Variants in CCDC88C observed in about 807,000 individuals in gnomAD.
CCDC88C encodes coiled-coil and HOOK domain protein 88C.
A neutral mutation model predicts 198.8 loss-of-function variants in CCDC88C; 131 were observed. The ratio of observed to expected loss-of-function variants is 0.66; its 90% CI spans 0.57 to 0.76. The LOEUF (loss-of-function observed/expected upper bound fraction) is 0.76, where lower values mean the gene tolerates loss of function less well. Ranked by LOEUF, CCDC88C falls within the 30% of genes least tolerant of loss-of-function variation. The probability of loss-of-function intolerance (pLI) is 0.00; values close to 1 mark genes in which losing one functional copy is unlikely to be tolerated. For missense variants in CCDC88C, 2,553 were observed against 2,631.6 expected, an observed-to-expected ratio of 0.97 and a Z score of 0.65; for synonymous variants, 1,166 against 1,114.7, an observed-to-expected ratio of 1.05 and a Z score of -0.92.
At chr14:91,302,660 T>C (rs534211875) in intron 20 of CCDC88C, among the ~76,000 whole-genome samples, 1 of 152,240 alleles carries the variant, frequency 6.6e-6, no homozygotes, top group African/African-American at 2.4e-5. Flanking sequence ...GAGGTGCACA[T>C]GAAATGAGAA....
At chr14:91,359,561 C>T (rs1448722120) in intron 4 of CCDC88C, 81 bp downstream of exon 4, 16 of 1,122,016 alleles carry the variant, frequency 1.4e-5, no homozygotes, top group East Asian at 1.0e-4. Flanking sequence ...AGCTGGCAGC[C>T]GGAGCTCGAT....
chr14:91,321,084 C>T (rs1183120357), intron 13 of CCDC88C, 36 bp downstream of exon 13: 2 of 1,566,398 alleles, frequency 1.3e-6, no homozygotes, highest in South Asian at 2.4e-5. Flanking sequence ...CCCAAGGGTT[C>T]TGTGCTTCCC....
intron 3 of CCDC88C, among the ~76,000 whole-genome samples, chr14:91,375,760 C>T (rs78837490): frequency 7.5e-4 from 115 of 152,336 alleles, no homozygotes; most frequent in Admixed American, 1.2e-3. Context: ...GAGACTCAAC[C>T]CTGTCCGTGC....
intron 3 of CCDC88C, among the ~76,000 whole-genome samples, chr14:91,407,920 CT>C (rs763529855): frequency 1.2e-4 from 18 of 152,126 alleles, no homozygotes; most frequent in Non-Finnish European, 2.1e-4. Context: ...GTAGCTGGGA[CT>C]ACAGGCGTGC....
chr14:91,309,486 C>CCCAGCTAGGTAGTGGTCT (rs1226725423), intron 16 of CCDC88C, among the ~76,000 whole-genome samples: 1 of 151,822 alleles, frequency 6.6e-6, no homozygotes, highest in East Asian at 1.9e-4. Flanking sequence ...TGCCTGTGGT[C>CCCAGCTAGGTAGTGGTCT]CCAGCTAGGT....
chr14:91,405,519 T>TA (rs1886436406), intron 3 of CCDC88C, among the ~76,000 whole-genome samples: 1 of 152,138 alleles, frequency 6.6e-6, no homozygotes, highest in Non-Finnish European at 1.5e-5. Flanking sequence ...AATAACCGGT[T>TA]ATGTTTGTGC....
chr14:91,289,029 G>A lies in CCDC88C; in HGVS notation c.4441+76C>T, dbSNP rs576898017. The A allele has an allele frequency of 2.4e-6, 3 of 1,239,846 alleles. No individual in the cohort carries two copies. The South Asian group carries it at 3.7e-5, about 15-fold the overall frequency. 76.8% of individuals were successfully genotyped at this position (1,239,846 alleles called of 1,614,324 possible). On this transcript the variant is annotated intron_variant, in intron 25 of 29. Transcript: ENST00000389857. ...ACCCCTGGCACGTTCCTGCACACGT[G>A]TGCACAGCCACCGGTGCGGGACCCT...
chr14:91,332,257 G>A (rs1892867368), intron 10 of CCDC88C, among the ~76,000 whole-genome samples: 2 of 152,118 alleles, frequency 1.3e-5, no homozygotes. Flanking sequence ...CTCCCACACA[G>A]CCCTGAGGGC....
intron 3 of CCDC88C, among the ~76,000 whole-genome samples, chr14:91,393,008 G>A (rs1885611580): frequency 6.6e-6 from 1 of 152,202 alleles, no homozygotes; most frequent in Non-Finnish European, 1.5e-5. Flanking sequence ...TGCAAGGACA[G>A]GACGTGTGAG....
chr14:91,403,225 A>C (rs1269460278), intron 3 of CCDC88C, among the ~76,000 whole-genome samples: 2 of 152,192 alleles, frequency 1.3e-5, no homozygotes, highest in Non-Finnish European at 1.5e-5. Context: ...TCCAATGGGT[A>C]AGTCCCCACA....
intron 4 of CCDC88C, among the ~76,000 whole-genome samples, chr14:91,344,117 A>G (rs1035260113): frequency 2.0e-5 from 3 of 152,168 alleles, no homozygotes; most frequent in Non-Finnish European, 4.4e-5. Context: ...CACCATACCC[A>G]GCCTTATTTA....
intron 6 of CCDC88C, among the ~76,000 whole-genome samples, chr14:91,341,379 T>A (rs1596089789): frequency 6.6e-6 from 1 of 152,144 alleles, no homozygotes; most frequent in East Asian, 1.9e-4. Context: ...TCCCCCTGAG[T>A]CTGACTCAGT....
rs1884930754 is a variant in CCDC88C at position 91,383,442 on chromosome 14, G to C, written c.271-23731C>G. Among the ~76,000 whole-genome samples, 5 of 152,188 alleles carry C rather than the reference G, an allele frequency of 3.3e-5. No individual in the cohort carries two copies. The South Asian group carries it at 1.0e-3, about 31-fold the overall frequency. ...CTCCCCAGCACCAAGGAATGAGAAA[G>C]CCCCTCCCTCTTTCTGCTTGGGCAC... On this transcript the variant is annotated intron_variant, in intron 3 of 29. Transcript: ENST00000389857.
intron 3 of CCDC88C, among the ~76,000 whole-genome samples, chr14:91,368,658 G>A (rs983898642): frequency 2.6e-5 from 4 of 152,276 alleles, no homozygotes; most frequent in Admixed American, 6.5e-5. Flanking sequence ...GAAACGGCAC[G>A]GTGCTGGCTG....
Position 91,343,644 on chromosome 14 carries a change from C to T in CCDC88C, c.354G>A (p.Glu118=). 6.2e-7 allele frequency: 1 copy of T among 1,613,702 alleles called. No individual in the cohort carries two copies. The change falls in exon 5 of 30, where the codon GAG becomes GAA. Residue 118 remains glutamate (E), a synonymous_variant. Coordinates refer to ENST00000389857, the MANE Select transcript of CCDC88C (RefSeq NM_001080414.4). ...GRDPLSGKSM[E]EIKKVLLLVL... is the part of the protein sequence containing the mutation. ...CCAGCAGCAGCACCTTCTTGATTTC[C>T]TCCATGCTCTTCCCTAGATCAAGAG...
intron 3 of CCDC88C, among the ~76,000 whole-genome samples, chr14:91,366,507 A>C (rs1350258627): frequency 6.7e-6 from 1 of 148,728 alleles, no homozygotes; most frequent in Non-Finnish European, 1.5e-5. Flanking sequence ...ATAAAAAAAA[A>C]CAAGAAACAA....
chr14:91,343,791 T>A, intron 4 of CCDC88C, 134 bp from the exon 5 acceptor site: 1 of 969,740 alleles, frequency 1.0e-6, no homozygotes, highest in East Asian at 2.7e-5. Context: ...GTATACACAC[T>A]CCATCGATCT....
chr14:91,371,962 G>A lies in CCDC88C; in HGVS notation c.271-12251C>T, dbSNP rs1355253794. On this transcript the variant is annotated intron_variant, in intron 3 of 29. Coordinates refer to ENST00000389857, the MANE Select transcript of CCDC88C (RefSeq NM_001080414.4). This position sits in a 1 kb window ranked among gnomAD's most constrained non-coding sequence, Gnocchi z 4.2. ...GGGACCTGTGAGGGTGGGAAAGGCA[G>A]GCAGTGGGGGCAGCCAGCCCCCAAC... is the stretch of plus-strand genomic sequence containing the variant. Among the ~76,000 whole-genome samples the A allele has an allele frequency of 6.6e-6, 1 of 152,232 alleles. No homozygotes were observed. Among genetic ancestry groups the A allele is most frequent in the Non-Finnish European group, 1.5e-5 (1 of 68,030 alleles).
At chr14:91,287,262 T>C (rs1017375756) in intron 25 of CCDC88C, among the ~76,000 whole-genome samples, 1 of 152,206 alleles carries the variant, frequency 6.6e-6, no homozygotes, top group Non-Finnish European at 1.5e-5. Context: ...CTCTAATTTT[T>C]TTCCTTCTCA....
Sources: allele counts gnomAD v4.1 joint callset (sites outside exome capture counted in the v4.1 genomes callset), GRCh38; gene constraint gnomAD v4.1.1; non-coding constraint Gnocchi (gnomAD v3.1); transcripts MANE v1.5; gene names NCBI Gene and HGNC (gene_info 2026-07-23, HGNC 2026-07-21).